Variants in GLT1D1 observed in about 807,000 individuals in gnomAD.
The protein encoded by GLT1D1 is glycosyltransferase 1 domain-containing protein 1.
Under a neutral mutation model 28.7 loss-of-function variants are expected in GLT1D1, and 21 were observed. That is an observed-to-expected ratio of 0.73 (90% CI 0.52 to 1.05). The LOEUF (loss-of-function observed/expected upper bound fraction) is 1.05, where lower values mean the gene tolerates loss of function less well. Ranked by LOEUF, GLT1D1 falls within the 50% of genes least tolerant of loss-of-function variation. The pLI is 0.00. For synonymous variants in GLT1D1, 147 were observed against 124.8 expected (o/e 1.18, Z -1.19); for missense variants, 343 against 330.6 (o/e 1.04, Z -0.29).
chr12:128,896,038 C>T (rs1869588162), intron 3 of GLT1D1, among the ~76,000 whole-genome samples: 1 of 152,110 alleles, frequency 6.6e-6, no homozygotes, highest in Non-Finnish European at 1.5e-5. Context: ...ATTCAGCTTA[C>T]CAACATGGAG....
intron 5 of GLT1D1, among the ~76,000 whole-genome samples, chr12:128,945,885 A>T (rs1177647557): frequency 1.3e-5 from 2 of 152,168 alleles, no homozygotes; most frequent in Non-Finnish European, 2.9e-5. Context: ...TGAAGGTGAC[A>T]TGGTAGCTAT....
chr12:128,902,858 C>T (rs914644276), intron 4 of GLT1D1, among the ~76,000 whole-genome samples: 7 of 151,334 alleles, frequency 4.6e-5, no homozygotes, highest in Non-Finnish European at 8.8e-5. Context: ...GCCTGGCCAA[C>T]ATGACGAAAC....
chr12:128,863,223 C>T (rs1255822682), intron 1 of GLT1D1, among the ~76,000 whole-genome samples: 1 of 152,072 alleles, frequency 6.6e-6, no homozygotes, highest in Non-Finnish European at 1.5e-5. Context: ...GATCGAACAC[C>T]GATAGACTGC....
chr12:128,939,146 T>A (rs1429031586), intron 4 of GLT1D1, among the ~76,000 whole-genome samples: 6 of 152,132 alleles, frequency 3.9e-5, no homozygotes, highest in Non-Finnish European at 8.8e-5. Context: ...GTGTGGCTGC[T>A]GCCCCTGGGA....
At chr12:128,942,739 G>GTTTTT (rs199567989) in intron 4 of GLT1D1, among the ~76,000 whole-genome samples, 1,926 of 101,904 alleles carry the variant, frequency 0.019, 200 homozygotes, top group Non-Finnish European at 0.026. Flanking sequence ...TTCTTTGTTT[G>GTTTTT]TTTGTTTTTG....
intron 4 of GLT1D1, among the ~76,000 whole-genome samples, chr12:128,909,842 C>T (rs1871341800): frequency 6.6e-6 from 1 of 152,212 alleles, no homozygotes; most frequent in Admixed American, 6.5e-5. Flanking sequence ...ATAGACACAC[C>T]TCAGTGTTTG....
chr12:128,937,850 A>G (rs1874721879), intron 4 of GLT1D1, among the ~76,000 whole-genome samples: 1 of 152,186 alleles, frequency 6.6e-6, no homozygotes, highest in Admixed American at 6.5e-5. Context: ...GTAAGTTTCC[A>G]GAGGCCTCCC....
At position 128,982,956 on chromosome 12, in the gene GLT1D1, G is replaced by T. The variant is rs750155607; in HGVS notation, c.667G>T (p.Val223Phe). Reference sequence around the variant, plus strand: ...GTTTGTTCATCTGGCAAAGAGACTGGTTAGTGATCCTGCATTAGAAAAGGA... The same window carrying T: ...GTTTGTTCATCTGGCAAAGAGACTGTTTAGTGATCCTGCATTAGAAAAGGA... The change falls in exon 8 of 8, where the codon GTT becomes TTT. Residue 223 changes from valine (V) to phenylalanine (F), a missense_variant. By Grantham distance (50) the Val-to-Phe change is conservative. Transcript: ENST00000281703. 11 of 1,614,066 alleles carry T rather than the reference G, an allele frequency of 6.8e-6. No individual in the cohort carries two copies. The highest frequency in any genetic ancestry group is 2.2e-5 in the East Asian group (1 of 44,884).
chr12:128,963,123 C>T (rs1878130287), intron 7 of GLT1D1, among the ~76,000 whole-genome samples: 1 of 152,214 alleles, frequency 6.6e-6, no homozygotes, highest in Admixed American at 6.5e-5. Context: ...AACTGTAACT[C>T]AGCCGGAGCA....
chr12:128,905,081 T>TAAGC (rs1870711046), intron 4 of GLT1D1, among the ~76,000 whole-genome samples: 1 of 151,636 alleles, frequency 6.6e-6, no homozygotes, highest in African/African-American at 2.4e-5. Flanking sequence ...TTTCCCACCC[T>TAAGC]AAACACTCAG....
At chr12:128,872,444 G>A (rs1234836789) in intron 1 of GLT1D1, among the ~76,000 whole-genome samples, 1 of 152,160 alleles carries the variant, frequency 6.6e-6, no homozygotes, top group African/African-American at 2.4e-5. Context: ...TCTCTGGAAG[G>A]AGCTGGCACT....
At chr12:128,954,719 G>A (rs1373457867) in intron 6 of GLT1D1, among the ~76,000 whole-genome samples, 3 of 152,228 alleles carry the variant, frequency 2.0e-5, no homozygotes, top group Non-Finnish European at 4.4e-5. Context: ...GGAGGCCAAG[G>A]TGGATGGATT....
chr12:128,953,736 A>G (rs1876961538), intron 6 of GLT1D1, among the ~76,000 whole-genome samples: 1 of 103,012 alleles, frequency 9.7e-6, no homozygotes, highest in Non-Finnish European at 1.9e-5. Flanking sequence ...AACAATGACT[A>G]AAATAGCTTT....
At chr12:128,889,127 C>G (rs1297736740) in intron 3 of GLT1D1, among the ~76,000 whole-genome samples, 1 of 151,936 alleles carries the variant, frequency 6.6e-6, no homozygotes, top group African/African-American at 2.4e-5. Flanking sequence ...TAGAGCAAAG[C>G]CCTCTTTTCA....
intron 4 of GLT1D1, among the ~76,000 whole-genome samples, chr12:128,924,744 G>C (rs1157431099): frequency 2.0e-5 from 3 of 152,182 alleles, no homozygotes; most frequent in Admixed American, 2.0e-4. Context: ...TCTTAAGAAT[G>C]AGAACAGAGA....
At chr12:128,864,865 T>C (rs189651886) in intron 1 of GLT1D1, among the ~76,000 whole-genome samples, 7 of 151,920 alleles carry the variant, frequency 4.6e-5, no homozygotes, top group Admixed American at 4.6e-4. Context: ...GGGGTGGGCA[T>C]GGTGGGGGGC....
chr12:128,891,696 A>C (rs138839672), intron 3 of GLT1D1, among the ~76,000 whole-genome samples: 25 of 152,252 alleles, frequency 1.6e-4, no homozygotes, highest in Non-Finnish European at 3.5e-4. Context: ...TGTAGGTGTC[A>C]GTCTCGCTTC....
rs567992600 is a variant in GLT1D1 at position 128,945,512 on chromosome 12, G to A, written c.419+143G>A. 1.0e-3 allele frequency: 740 copies of A among 741,904 alleles called. 1 individual carries two copies. The highest frequency in any genetic ancestry group is 1.5e-3 in the Non-Finnish European group (597 of 409,070). The allele number at this position is 741,904 out of a possible 1,614,324, so 46.0% of individuals were successfully genotyped here. A position where few individuals can be genotyped will look rare whatever the true frequency, so the allele number is the denominator to read the frequency against. ...CCTCATGCATCTTCCCGGCGAGCCCGTGGCATCCTAGGCACTATTATTTGC... is the reference window on the plus strand; with the variant it reads ...CCTCATGCATCTTCCCGGCGAGCCCATGGCATCCTAGGCACTATTATTTGC... On this transcript the variant is annotated intron_variant, in intron 5 of 7. Transcript: ENST00000281703.
intron 4 of GLT1D1, among the ~76,000 whole-genome samples, chr12:128,938,543 A>G (rs1874797973): frequency 6.6e-6 from 1 of 152,202 alleles, no homozygotes; most frequent in African/African-American, 2.4e-5. Flanking sequence ...CACACGTGAA[A>G]CATCTCCTTG....
Sources: allele counts gnomAD v4.1 joint callset (sites outside exome capture counted in the v4.1 genomes callset), GRCh38; gene constraint gnomAD v4.1.1; transcripts MANE v1.5; gene names NCBI Gene and HGNC (gene_info 2026-07-23, HGNC 2026-07-21).